The following DSCAM variants were observed in gnomAD, a reference collection of about 807,000 sequenced individuals.
The protein encoded by DSCAM is DS cell adhesion molecule, also known as cell adhesion molecule DSCAM.
In DSCAM, 47 loss-of-function variants were observed where a neutral mutation model predicts 217.7. The ratio of observed to expected loss-of-function variants is 0.22; its 90% CI spans 0.17 to 0.28. The LOEUF (loss-of-function observed/expected upper bound fraction) is 0.28, where lower values mean the gene tolerates loss of function less well. DSCAM is among the 10% of genes least tolerant of loss of function. The pLI is 1.00. For missense variants in DSCAM, 2,080 were observed against 2,618.3 expected (o/e 0.79, Z 4.49); for synonymous variants, 1,056 against 1,015.3 (o/e 1.04, Z -0.76).
At chr21:40,830,647 C>T (rs2092005462) in intron 1 of DSCAM, among the ~76,000 whole-genome samples, 1 of 152,156 alleles carries the variant, frequency 6.6e-6, no homozygotes, top group African/African-American at 2.4e-5. Flanking sequence ...GAAAGGCATT[C>T]ACCTTTGTAA....
intron 11 of DSCAM, among the ~76,000 whole-genome samples, chr21:40,192,537 T>C (rs1333557744): frequency 6.6e-6 from 1 of 152,208 alleles, no homozygotes; most frequent in African/African-American, 2.4e-5. Flanking sequence ...CCTAGTCGCA[T>C]AGGACTGTGA....
At chr21:40,784,652 A>C (rs775447690) in intron 1 of DSCAM, among the ~76,000 whole-genome samples, 3 of 152,156 alleles carry the variant, frequency 2.0e-5, no homozygotes, top group African/African-American at 7.2e-5. Context: ...AGCCTTTGGG[A>C]GGTGATTAAT....
chr21:40,604,745 T>C (rs1250209139), intron 3 of DSCAM, among the ~76,000 whole-genome samples: 1 of 152,208 alleles, frequency 6.6e-6, no homozygotes, highest in African/African-American at 2.4e-5. Flanking sequence ...GCCTTGTTGA[T>C]GTGATGCTGA....
intron 10 of DSCAM, among the ~76,000 whole-genome samples, chr21:40,284,355 T>C (rs2073800173): frequency 6.6e-6 from 1 of 152,162 alleles, no homozygotes; most frequent in South Asian, 2.1e-4. Flanking sequence ...GTGCAGGTAA[T>C]ATTTATGACA....
intron 16 of DSCAM, among the ~76,000 whole-genome samples, chr21:40,162,849 A>C (rs1185601974): frequency 6.6e-6 from 1 of 152,176 alleles, no homozygotes; most frequent in Non-Finnish European, 1.5e-5. Context: ...TGTTCTCAGC[A>C]CAGAAATATT....
At chr21:40,570,403 C>G (rs148936818) in intron 3 of DSCAM, among the ~76,000 whole-genome samples, 2 of 152,144 alleles carry the variant, frequency 1.3e-5, no homozygotes, top group African/African-American at 4.8e-5. Context: ...ATCACCAGCC[C>G]GACAGAAGGA....
intron 11 of DSCAM, among the ~76,000 whole-genome samples, chr21:40,205,140 G>C (rs2091110514): frequency 6.6e-6 from 1 of 152,226 alleles, no homozygotes; most frequent in South Asian, 2.1e-4. Context: ...GAAGAGACAT[G>C]TGTAAAGGTC....
At chr21:40,802,762 C>T (rs1487381743) in intron 1 of DSCAM, among the ~76,000 whole-genome samples, 1 of 152,216 alleles carries the variant, frequency 6.6e-6, no homozygotes, top group Non-Finnish European at 1.5e-5. Flanking sequence ...AGGGTCCTCA[C>T]CAGCAAGAAG....
intron 1 of DSCAM, among the ~76,000 whole-genome samples, chr21:40,819,897 G>T (rs2091911910): frequency 6.6e-6 from 1 of 152,148 alleles, no homozygotes. Context: ...ATGTCTAACT[G>T]TTGATGGTTC....
intron 1 of DSCAM, among the ~76,000 whole-genome samples, chr21:40,768,452 A>G (rs1319456939): frequency 1.3e-5 from 2 of 152,048 alleles, no homozygotes; most frequent in Admixed American, 1.3e-4. Flanking sequence ...GCTCCCAACA[A>G]TTACAGCTTG....
chr21:40,108,000 A>G (rs1485248023), intron 20 of DSCAM, among the ~76,000 whole-genome samples: 3 of 152,198 alleles, frequency 2.0e-5, no homozygotes, highest in Non-Finnish European at 4.4e-5. Context: ...TAGTTATTGA[A>G]GGAACACACC....
At chr21:40,725,240 C>T (rs2090942409) in intron 1 of DSCAM, among the ~76,000 whole-genome samples, 1 of 152,176 alleles carries the variant, frequency 6.6e-6, no homozygotes, top group African/African-American at 2.4e-5. Context: ...GTTTGTAAAT[C>T]CCTTTATTTC....
At chr21:40,449,897 G>T (rs2075705100) in intron 3 of DSCAM, among the ~76,000 whole-genome samples, 1 of 152,076 alleles carries the variant, frequency 6.6e-6, no homozygotes, top group African/African-American at 2.4e-5. Flanking sequence ...CATTATAATA[G>T]TTGATGGCCA....
chr21:40,506,121 T>C (rs1446953143), intron 3 of DSCAM, among the ~76,000 whole-genome samples: 1 of 152,334 alleles, frequency 6.6e-6, no homozygotes, highest in South Asian at 2.1e-4. Flanking sequence ...ACTTCATGCT[T>C]GCATTTCAAA....
chr21:40,841,028 A>G (rs1234803891), intron 1 of DSCAM, among the ~76,000 whole-genome samples: 1 of 152,198 alleles, frequency 6.6e-6, no homozygotes, highest in Non-Finnish European at 1.5e-5. Context: ...GCTCCTGTCT[A>G]GCTAGTGAGA....
chr21:40,038,181 C>G (rs2088665839), intron 32 of DSCAM, among the ~76,000 whole-genome samples: 1 of 147,022 alleles, frequency 6.8e-6, no homozygotes. Flanking sequence ...TCTAATTAAA[C>G]TAAAGAGTTT....
chr21:40,615,903 C>T (rs536732544), intron 3 of DSCAM, among the ~76,000 whole-genome samples: 1 of 152,180 alleles, frequency 6.6e-6, no homozygotes, highest in African/African-American at 2.4e-5. Flanking sequence ...CCCTAGAACA[C>T]CAGCCCAAGG....
At chr21:40,039,474 C>A (rs773849607) in intron 32 of DSCAM, among the ~76,000 whole-genome samples, 7 of 152,088 alleles carry the variant, frequency 4.6e-5, no homozygotes, top group Non-Finnish European at 8.8e-5. Context: ...TATATTCATT[C>A]ATACAGTAAG....
At chr21:40,484,152 C>A (rs1260448668) in intron 3 of DSCAM, among the ~76,000 whole-genome samples, 1 of 152,188 alleles carries the variant, frequency 6.6e-6, no homozygotes, top group Non-Finnish European at 1.5e-5. Flanking sequence ...AGTCCACATC[C>A]AAAGACTACG....
Sources: allele counts gnomAD v4.1 joint callset (sites outside exome capture counted in the v4.1 genomes callset), GRCh38; gene constraint gnomAD v4.1.1; transcripts MANE v1.5; gene names NCBI Gene and HGNC (gene_info 2026-07-23, HGNC 2026-07-21).